ARMC3: variants seen among roughly 807,000 people sequenced by gnomAD.
ARMC3 encodes armadillo repeat-containing protein 3.
ARMC3 carries 74 observed loss-of-function variants against 90.3 expected under a neutral mutation model. That is an observed-to-expected ratio of 0.82 (90% CI 0.68 to 0.99). ARMC3 has a LOEUF of 0.99. Among genes scored for constraint, ARMC3 ranks in the 50% least tolerant of loss-of-function variants. ARMC3 has a pLI of 0.00. For missense variants in ARMC3, 958 were observed against 1,042.8 expected (o/e 0.92, Z 1.12); for synonymous variants, 334 against 361.8 (o/e 0.92, Z 0.87).
At chr10:22,941,944 G>C (rs536704663) in intron 2 of ARMC3, among the ~76,000 whole-genome samples, 1 of 152,286 alleles carries the variant, frequency 6.6e-6, no homozygotes, top group East Asian at 1.9e-4. Context: ...TTTTCTTCTA[G>C]TTTAACATTC....
chr10:22,946,083 A>AT, intron 2 of ARMC3, 61 bp from the exon 3 acceptor site: 1 of 1,239,502 alleles, frequency 8.1e-7, no homozygotes, highest in Non-Finnish European at 1.2e-6. Context: ...AGACCCATTC[A>AT]TTTTTAATGT....
rs919308385 is a variant in ARMC3 at position 23,038,448 on chromosome 10, G to A, written c.*969G>A. 6.6e-6 allele frequency: 1 copy of A among 152,084 alleles called. No individual in the cohort carries two copies. Among genetic ancestry groups the A allele is most frequent in the Non-Finnish European group, 1.5e-5 (1 of 68,008 alleles). 9.4% of individuals were successfully genotyped at this position (152,084 alleles called of 1,614,324 possible). ...AGTGAATTTGATTTTAGAAATTAAA[G>A]CTAAGATTATTTTGTATTAATTTGT... On this transcript the variant is annotated 3_prime_UTR_variant, in exon 19 of 19. Coordinates refer to ENST00000298032, the MANE Select transcript of ARMC3 (RefSeq NM_173081.5).
intron 8 of ARMC3, among the ~76,000 whole-genome samples, chr10:22,981,115 C>T (rs530511769): frequency 6.6e-5 from 10 of 152,170 alleles, no homozygotes; most frequent in East Asian, 5.8e-4. Context: ...TTTCCTTGGC[C>T]GTAGTATTGA....
intron 18 of ARMC3, among the ~76,000 whole-genome samples, chr10:23,034,113 C>A (rs779982425): frequency 2.0e-5 from 3 of 152,036 alleles, no homozygotes; most frequent in Non-Finnish European, 4.4e-5. Context: ...TATTCCCTTT[C>A]CTATTCCCTT....
rs937383365 is a variant in ARMC3 at position 22,946,394 on chromosome 10, T to C, written c.166+133T>C. ...ATTATTTCAGACAACCAGGATATTA[T>C]TTAATGCATTACCTAAGAGCAATCT... On this transcript the variant is annotated intron_variant, in intron 3 of 18. Coordinates refer to ENST00000298032, the MANE Select transcript of ARMC3 (RefSeq NM_173081.5). 5 of 592,758 alleles carry C rather than the reference T, an allele frequency of 8.4e-6. No individual in the cohort carries two copies. The African/African-American group carries it at 9.4e-5, about 11-fold the overall frequency. The allele number at this position is 592,758 out of a possible 1,614,324, so 36.7% of individuals were successfully genotyped here. A position where few individuals can be genotyped will look rare whatever the true frequency, so the allele number is the denominator to read the frequency against.
intron 11 of ARMC3, 82 bp downstream of exon 11, chr10:22,998,479 T>C (rs1191876907): frequency 1.1e-5 from 16 of 1,522,874 alleles, no homozygotes; most frequent in Middle Eastern, 2.0e-4. Flanking sequence ...TTTTAAGTGA[T>C]TGAACCTACC....
chr10:22,944,637 G>C (rs1834454808), intron 2 of ARMC3, among the ~76,000 whole-genome samples: 1 of 152,200 alleles, frequency 6.6e-6, no homozygotes, highest in African/African-American at 2.4e-5. Context: ...TGGTCAGTGA[G>C]CCACATGTGT....
At chr10:23,003,153 TCTTC>T (rs1837395802) in intron 12 of ARMC3, 89 bp from the exon 13 acceptor site, 2 of 1,177,856 alleles carry the variant, frequency 1.7e-6, no homozygotes, top group African/African-American at 3.1e-5. Context: ...CCATCTCCAT[TCTTC>T]CTTCAGGATC....
intron 10 of ARMC3, among the ~76,000 whole-genome samples, chr10:22,993,218 C>T (rs1168613486): frequency 6.6e-6 from 1 of 152,164 alleles, no homozygotes; most frequent in Admixed American, 6.5e-5. Context: ...GGATTCAACT[C>T]TGAAAGGTAC....
At position 23,015,202 on chromosome 10, in the gene ARMC3, A is replaced by T. The variant is rs538240248; in HGVS notation, c.2045+6271A>T. ...TTCCTGATGAATCTCATTACCATGC[A>T]GCATGTAAATTTGAAACTCTGTCTC... On this transcript the variant is annotated intron_variant, in intron 16 of 18. Coordinates refer to ENST00000298032, the MANE Select transcript of ARMC3 (RefSeq NM_173081.5). Among the ~76,000 whole-genome samples the T allele has an allele frequency of 5.2e-4, 79 of 152,306 alleles. 1 individual carries two copies. The highest frequency in any genetic ancestry group is 1.9e-3 in the African/African-American group (78 of 41,560).
intron 16 of ARMC3, among the ~76,000 whole-genome samples, chr10:23,025,394 T>C (rs1838678397): frequency 6.6e-6 from 1 of 152,120 alleles, no homozygotes; most frequent in South Asian, 2.1e-4. Flanking sequence ...TTATACATAA[T>C]ATGTACAATA....
chr10:23,018,641 C>T (rs1007276570), intron 16 of ARMC3, among the ~76,000 whole-genome samples: 19 of 151,658 alleles, frequency 1.3e-4, no homozygotes, highest in East Asian at 3.9e-4. Flanking sequence ...CTTAGCCTCC[C>T]GAGTAGCTGG....
At chr10:22,941,881 G>A (rs892924898) in intron 2 of ARMC3, among the ~76,000 whole-genome samples, 7 of 152,166 alleles carry the variant, frequency 4.6e-5, no homozygotes, top group Admixed American at 1.3e-4. Context: ...GTAGAAACCT[G>A]GTTTGCAGTG....
At chr10:22,988,633 T>G (rs1201628392) in intron 10 of ARMC3, among the ~76,000 whole-genome samples, 1 of 152,206 alleles carries the variant, frequency 6.6e-6, no homozygotes, top group African/African-American at 2.4e-5. Flanking sequence ...ATGGTCATTT[T>G]GAAGGGGGGA....
At chr10:22,982,376 C>T (rs1346092694) in intron 10 of ARMC3, among the ~76,000 whole-genome samples, 1 of 152,154 alleles carries the variant, frequency 6.6e-6, no homozygotes, top group East Asian at 1.9e-4. Flanking sequence ...CGAGGCTCCG[C>T]TTCAAACAAA....
intron 1 of ARMC3, among the ~76,000 whole-genome samples, chr10:22,929,917 GTC>G (rs1176075619): frequency 6.6e-6 from 1 of 152,178 alleles, no homozygotes; most frequent in Non-Finnish European, 1.5e-5. Context: ...TTGCAATACT[GTC>G]TGTGTAAGCT....
chr10:22,948,459 A>G (rs1337281365), intron 3 of ARMC3, among the ~76,000 whole-genome samples: 2 of 152,226 alleles, frequency 1.3e-5, no homozygotes, highest in East Asian at 3.8e-4. Flanking sequence ...AAAATTAAAA[A>G]AAAAATGATA....
chr10:22,938,914 T>C (rs1444717718), intron 2 of ARMC3, among the ~76,000 whole-genome samples: 2 of 152,168 alleles, frequency 1.3e-5, no homozygotes, highest in African/African-American at 2.4e-5. Flanking sequence ...TAACTCTCTA[T>C]AGTTTCAAGT....
chr10:23,012,801 CT>C (rs1337681396), intron 16 of ARMC3, among the ~76,000 whole-genome samples: 2 of 152,004 alleles, frequency 1.3e-5, no homozygotes, highest in African/African-American at 4.8e-5. Context: ...CATCAACCTC[CT>C]TATCGTACTG....
Sources: gnomAD v4.1 joint callset for allele counts (sites outside exome capture counted in the v4.1 genomes callset) on GRCh38, gnomAD v4.1.1 for gene constraint, MANE v1.5 for transcripts, NCBI Gene and HGNC (gene_info 2026-07-23, HGNC 2026-07-21) for gene names.